The following PACC1 variants were observed in gnomAD, a reference collection of about 807,000 sequenced individuals.
PACC1 encodes the protein proton activated chloride channel 1, also known as proton-activated chloride channel.
Under a neutral mutation model 39.7 loss-of-function variants are expected in PACC1, and 34 were observed. The ratio of observed to expected loss-of-function variants is 0.86; its 90% CI spans 0.65 to 1.14. The LOEUF (loss-of-function observed/expected upper bound fraction) is 1.14, where lower values mean the gene tolerates loss of function less well. Among genes scored for constraint, PACC1 ranks in the 50% most tolerant of loss-of-function variants. PACC1 has a pLI of 0.00. For synonymous variants in PACC1, 127 were observed against 160.6 expected (o/e 0.79, Z 1.58); for missense variants, 379 against 436.4 (o/e 0.87, Z 1.17).
At chr1:212,396,489 G>T (rs1331224803) in intron 2 of PACC1, among the ~76,000 whole-genome samples, 6 of 151,978 alleles carry the variant, frequency 3.9e-5, no homozygotes, top group Non-Finnish European at 8.8e-5. Context: ...TAATGTAAAT[G>T]ACGAGTTAAT....
intron 1 of PACC1, among the ~76,000 whole-genome samples, chr1:212,411,321 C>T (rs1230835450): frequency 6.6e-6 from 1 of 152,150 alleles, no homozygotes; most frequent in African/African-American, 2.4e-5. Flanking sequence ...AAGGTGGTGT[C>T]AGAGCTCTCT....
At chr1:212,373,820 G>T (rs1174092685) in intron 7 of PACC1, among the ~76,000 whole-genome samples, 2 of 152,102 alleles carry the variant, frequency 1.3e-5, no homozygotes, top group African/African-American at 4.8e-5. Flanking sequence ...CCTCCCCTCA[G>T]TTAAAATGAC....
Position 212,414,772 on chromosome 1 carries a change from C to A in PACC1, c.-15G>T. ...TGCCGGATCATGGCACTGACCAGAG[C>A]TTCGGCACACCTGAGACCGCCCCAG... is the stretch of plus-strand genomic sequence containing the variant. On this transcript the variant is annotated 5_prime_UTR_variant, in exon 1 of 8. Coordinates refer to ENST00000261455, the MANE Select transcript of PACC1 (RefSeq NM_018252.3). 1.2e-6 allele frequency: 2 copies of A among 1,612,940 alleles called. No individual in the cohort carries two copies. Among genetic ancestry groups the A allele is most frequent in the Non-Finnish European group, 8.5e-7 (1 of 1,179,080 alleles).
rs146901241 is a variant in PACC1 at position 212,388,802 on chromosome 1, C to T, written c.134-1702G>A. ...CAGTCTGAGCTGACTAAGATACTCC[C>T]ACAGGGCTCCCTGTGCCCTCTCTGC... On this transcript the variant is annotated intron_variant, in intron 2 of 7. Coordinates refer to ENST00000261455, the MANE Select transcript of PACC1 (RefSeq NM_018252.3). Among the ~76,000 whole-genome samples, 106 of 152,286 alleles carry T rather than the reference C, an allele frequency of 7.0e-4. 1 individual carries two copies. Among genetic ancestry groups the T allele is most frequent in the Middle Eastern group, 3.4e-3 (1 of 294 alleles).
At chr1:212,414,526 G>T (rs1303419639) in intron 1 of PACC1, among the ~76,000 whole-genome samples, 196 bp downstream of exon 1, 1 of 152,156 alleles carries the variant, frequency 6.6e-6, no homozygotes, top group Non-Finnish European at 1.5e-5. Flanking sequence ...CTGGGCGCCC[G>T]CTCCGCTGCC....
In PACC1 at chr1:212,380,050, A is replaced by T; in HGVS notation, c.496-13T>A. 6.2e-7 allele frequency: 1 copy of T among 1,613,490 alleles called. No individual in the cohort carries two copies. Among genetic ancestry groups the T allele is most frequent in the Non-Finnish European group, 8.5e-7 (1 of 1,179,866 alleles). ...TCAGGGCAGATTTCTGCAGAGAGAA[A>T]AAGGACAGAGTCTCAGTCCTGGGAG... On this transcript the variant is annotated splice_polypyrimidine_tract_variant and intron_variant, in intron 4 of 7. Coordinates refer to ENST00000261455, the MANE Select transcript of PACC1 (RefSeq NM_018252.3).
intron 6 of PACC1, among the ~76,000 whole-genome samples, chr1:212,375,592 AACCATATT>A (rs1034370077): frequency 1.2e-4 from 19 of 152,288 alleles, no homozygotes; most frequent in African/African-American, 4.3e-4. Flanking sequence ...CTCACAATTA[AACCATATT>A]CAGGCCAGGC....
chr1:212,386,744 G>T lies in PACC1; in HGVS notation c.343+147C>A. On this transcript the variant is annotated intron_variant, in intron 3 of 7. Transcript: ENST00000261455. The surrounding 1 kb of genome is among the most constrained non-coding windows in gnomAD (Gnocchi z 5.0). ...AACACACTCCCAACAGCAGCTCCTT[G>T]GGCATAGACTCTATACCTAGACTAT... The T allele has an allele frequency of 1.3e-6, 1 of 752,902 alleles. No homozygotes were observed. The highest frequency in any genetic ancestry group is 2.3e-6 in the Non-Finnish European group (1 of 443,686). The allele number at this position is 752,902 out of a possible 1,614,324, so 46.6% of individuals were successfully genotyped here.
At chr1:212,399,958 C>T (rs1382667766) in intron 2 of PACC1, among the ~76,000 whole-genome samples, 1 of 152,010 alleles carries the variant, frequency 6.6e-6, no homozygotes, top group Non-Finnish European at 1.5e-5. Flanking sequence ...GATTCTCCTG[C>T]CTCAGCCTCC....
chr1:212,398,299 T>A (rs1490744083), intron 2 of PACC1, among the ~76,000 whole-genome samples: 2 of 152,232 alleles, frequency 1.3e-5, no homozygotes, highest in Non-Finnish European at 2.9e-5. Flanking sequence ...AATGTTTCCA[T>A]GTTTGTCGAA....
chr1:212,370,856 A>C (rs983593895), intron 7 of PACC1, among the ~76,000 whole-genome samples: 2 of 152,256 alleles, frequency 1.3e-5, no homozygotes, highest in Non-Finnish European at 2.9e-5. Flanking sequence ...CAAATAAGCT[A>C]ACGATCACCT....
intron 5 of PACC1, among the ~76,000 whole-genome samples, chr1:212,378,366 A>G (rs1369030571): frequency 6.6e-6 from 1 of 152,220 alleles, no homozygotes; most frequent in African/African-American, 2.4e-5. Context: ...GAAGCAGGGA[A>G]GGGAGAGGGA....
At chr1:212,396,553 C>T (rs373352821) in intron 2 of PACC1, among the ~76,000 whole-genome samples, 27 of 150,758 alleles carry the variant, frequency 1.8e-4, no homozygotes, top group South Asian at 6.3e-4. Flanking sequence ...ACCTGCATTG[C>T]GCACATGTAC....
At chr1:212,369,323 A>G (rs1252168999) in intron 7 of PACC1, among the ~76,000 whole-genome samples, 1 of 152,266 alleles carries the variant, frequency 6.6e-6, no homozygotes, top group African/African-American at 2.4e-5. Context: ...AAACCAAAAA[A>G]CAAAAAACGA....
chr1:212,414,373 G>C (rs886111049), intron 1 of PACC1, among the ~76,000 whole-genome samples: 5 of 152,210 alleles, frequency 3.3e-5, no homozygotes, highest in Non-Finnish European at 7.3e-5. Context: ...GGGTTCCTCT[G>C]GGCCATTGGG....
chr1:212,391,629 C>T (rs558033050), intron 2 of PACC1, among the ~76,000 whole-genome samples: 18 of 152,136 alleles, frequency 1.2e-4, no homozygotes, highest in Admixed American at 2.6e-4. Flanking sequence ...AGTCTTCAGA[C>T]GATCAAACTT....
intron 4 of PACC1, among the ~76,000 whole-genome samples, chr1:212,381,328 TC>T (rs1482515501): frequency 6.6e-6 from 1 of 152,238 alleles, no homozygotes; most frequent in East Asian, 1.9e-4. Flanking sequence ...CACGTGGAAT[TC>T]CACACTATTA....
At chr1:212,410,108 C>T (rs145794267) in intron 2 of PACC1, 17 of 315,678 alleles carry the variant, frequency 5.4e-5, no homozygotes, top group East Asian at 5.2e-4. Flanking sequence ...TTCTTTGACC[C>T]GGATATTAGA....
chr1:212,410,354 C>T lies in PACC1; in HGVS notation c.133+71G>A, dbSNP rs1662076199. ...AGGGAAGGGGGCTCCTCCTCTCCCA[C>T]AGTTGGCAAGGCGCCTAGACTGGGG... is the stretch of plus-strand genomic sequence containing the variant. On this transcript the variant is annotated intron_variant, in intron 2 of 7. Coordinates refer to ENST00000261455, the MANE Select transcript of PACC1 (RefSeq NM_018252.3). 3 of 1,415,400 alleles carry T rather than the reference C, an allele frequency of 2.1e-6. No individual in the cohort carries two copies. In the Middle Eastern group the frequency reaches 5.7e-4, roughly 267 times the overall value. The allele number at this position is 1,415,400 out of a possible 1,614,324, so 87.7% of individuals were successfully genotyped here.
Sources: allele counts gnomAD v4.1 joint callset (sites outside exome capture counted in the v4.1 genomes callset), GRCh38; gene constraint gnomAD v4.1.1; non-coding constraint Gnocchi (gnomAD v3.1); transcripts MANE v1.5; gene names NCBI Gene and HGNC (gene_info 2026-07-23, HGNC 2026-07-21).